The following PTPRT variants were observed in gnomAD, a reference collection of about 807,000 sequenced individuals.
The protein encoded by PTPRT is protein tyrosine phosphatase receptor type T.
PTPRT carries 56 observed loss-of-function variants against 176.8 expected under a neutral mutation model. The ratio of observed to expected loss-of-function variants is 0.32; its 90% CI spans 0.26 to 0.40. PTPRT has a LOEUF of 0.40. Ranked by LOEUF, PTPRT falls within the 10% of genes least tolerant of loss-of-function variation. The pLI is 1.00. For synonymous variants in PTPRT, 783 were observed against 739.0 expected, an observed-to-expected ratio of 1.06 and a Z score of -0.96; for missense variants, 1,540 against 1,908.2, an observed-to-expected ratio of 0.81 and a Z score of 3.60.
At chr20:42,159,626 ATATCC>A (rs2146495540) in intron 17 of PTPRT, among the ~76,000 whole-genome samples, 1 of 152,220 alleles carries the variant, frequency 6.6e-6, no homozygotes, top group Non-Finnish European at 1.5e-5. Context: ...TCTAATTCGA[ATATCC>A]TTTCAAGATT....
Position 42,376,112 on chromosome 20 carries a change from A to T in PTPRT, c.1561-23827T>A, listed in dbSNP as rs555752380. ...AGTGGATGGGGAAAATTGCATCCCC[A>T]ATTACGTGAGAAAACTGTGATGAAC... On this transcript the variant is annotated intron_variant, in intron 9 of 30. Transcript: ENST00000373187. Among the ~76,000 whole-genome samples, 3 of 152,352 alleles carry T rather than the reference A, an allele frequency of 2.0e-5. No homozygotes were observed. In the South Asian group the frequency reaches 6.2e-4, roughly 32 times the overall value.
chr20:42,718,444 G>A (rs781703886), intron 6 of PTPRT, among the ~76,000 whole-genome samples: 5 of 152,206 alleles, frequency 3.3e-5, no homozygotes, highest in Admixed American at 2.0e-4. Flanking sequence ...GGCTGAGGCA[G>A]GGGAATGGCG....
chr20:42,899,221 G>C (rs1381450589), intron 1 of PTPRT, among the ~76,000 whole-genome samples: 3 of 152,240 alleles, frequency 2.0e-5, no homozygotes, highest in African/African-American at 7.2e-5. Context: ...TTTATTTTGA[G>C]GGAGCAGCGA....
intron 1 of PTPRT, among the ~76,000 whole-genome samples, chr20:42,893,675 G>A (rs1358911491): frequency 6.6e-6 from 1 of 151,822 alleles, no homozygotes; most frequent in African/African-American, 2.4e-5. Flanking sequence ...GGAATACTAT[G>A]CAGCCATAAA....
chr20:42,797,024 C>T (rs2077464273), intron 2 of PTPRT, among the ~76,000 whole-genome samples: 1 of 152,170 alleles, frequency 6.6e-6, no homozygotes, highest in Non-Finnish European at 1.5e-5. Context: ...GCATGTAGGT[C>T]CTCAAAAACA....
chr20:43,177,286 T>A (rs2146473293), intron 1 of PTPRT, among the ~76,000 whole-genome samples: 1 of 152,318 alleles, frequency 6.6e-6, no homozygotes, highest in East Asian at 1.9e-4. Flanking sequence ...GGACCTGACA[T>A]ATAGTGAAAG....
chr20:43,055,586 G>A (rs546444915), intron 1 of PTPRT, among the ~76,000 whole-genome samples: 42 of 152,242 alleles, frequency 2.8e-4, no homozygotes, highest in African/African-American at 5.1e-4. Flanking sequence ...TCTCTGAAAC[G>A]GTAGTGGAAG....
chr20:43,019,416 T>C (rs980603054), intron 1 of PTPRT, among the ~76,000 whole-genome samples: 2 of 151,932 alleles, frequency 1.3e-5, no homozygotes, highest in East Asian at 1.9e-4. Context: ...GTCAGGAGAT[T>C]GACACCATCC....
intron 2 of PTPRT, among the ~76,000 whole-genome samples, chr20:42,809,481 C>T (rs899808620): frequency 2.6e-5 from 4 of 152,092 alleles, no homozygotes; most frequent in African/African-American, 9.7e-5. Flanking sequence ...CAGCCATTTC[C>T]TAATTGGATG....
intron 2 of PTPRT, among the ~76,000 whole-genome samples, chr20:42,795,510 T>C (rs1179673164): frequency 6.6e-6 from 1 of 152,220 alleles, no homozygotes. Context: ...TTTAATGGCT[T>C]TGCACATTGT....
chr20:42,064,938 A>G, the PTPRT span, among the ~76,000 whole-genome samples: 2 of 152,190 alleles, frequency 1.3e-5, no homozygotes, highest in African/African-American at 4.8e-5. Flanking sequence ...TGGGACACTC[A>G]CTGTGGGTGA....
intron 9 of PTPRT, among the ~76,000 whole-genome samples, chr20:42,357,211 T>TAC (rs2058369652): frequency 6.8e-6 from 1 of 146,392 alleles, no homozygotes. Flanking sequence ...GGAAAACAGC[T>TAC]ACACCATTGA....
At chr20:42,543,898 A>G (rs2072626864) in intron 7 of PTPRT, among the ~76,000 whole-genome samples, 1 of 152,092 alleles carries the variant, frequency 6.6e-6, no homozygotes, top group South Asian at 2.1e-4. Context: ...TAAATCTTTT[A>G]TTTCTGAGGA....
At chr20:42,520,063 A>C (rs1482711722) in intron 7 of PTPRT, among the ~76,000 whole-genome samples, 2 of 152,032 alleles carry the variant, frequency 1.3e-5, no homozygotes, top group East Asian at 3.9e-4. Flanking sequence ...TAACTACACC[A>C]ACTCTCTTTT....
chr20:42,948,385 G>C (rs1230750511), intron 1 of PTPRT, among the ~76,000 whole-genome samples: 1 of 152,170 alleles, frequency 6.6e-6, no homozygotes, highest in Non-Finnish European at 1.5e-5. Context: ...CCTGCCCCAG[G>C]TATGGGCACA....
intron 9 of PTPRT, among the ~76,000 whole-genome samples, chr20:42,386,053 T>C (rs928685686): frequency 6.6e-6 from 1 of 152,236 alleles, no homozygotes; most frequent in Non-Finnish European, 1.5e-5. Context: ...CATACACATA[T>C]ATAAAGCTTT....
intron 7 of PTPRT, among the ~76,000 whole-genome samples, chr20:42,578,924 ATACTTT>A (rs982160532): frequency 1.4e-5 from 2 of 140,124 alleles, no homozygotes; most frequent in African/African-American, 5.6e-5. Context: ...GGTTTTTATT[ATACTTT>A]AAGTTTTAGG....
chr20:42,568,845 C>G (rs1418266102), intron 7 of PTPRT, among the ~76,000 whole-genome samples: 1 of 151,298 alleles, frequency 6.6e-6, no homozygotes, highest in Non-Finnish European at 1.5e-5. Context: ...GTCAGGAGTT[C>G]AAGACCAGCC....
intron 17 of PTPRT, among the ~76,000 whole-genome samples, chr20:42,144,798 G>A (rs1988788382): frequency 6.6e-6 from 1 of 152,148 alleles, no homozygotes; most frequent in Non-Finnish European, 1.5e-5. Flanking sequence ...AGTGCAGGAG[G>A]AGAACCCACC....
Sources: gnomAD v4.1 joint callset for allele counts (sites outside exome capture counted in the v4.1 genomes callset) on GRCh38, gnomAD v4.1.1 for gene constraint, MANE v1.5 for transcripts, NCBI Gene and HGNC (gene_info 2026-07-23, HGNC 2026-07-21) for gene names.